The following SMCO2 variants were observed in gnomAD, a reference collection of about 807,000 sequenced individuals.
SMCO2 encodes single-pass membrane protein with coiled-coil domains 2.
Under a neutral mutation model 29.5 loss-of-function variants are expected in SMCO2, and 25 were observed. The ratio of observed to expected loss-of-function variants is 0.85; its 90% CI spans 0.62 to 1.18. SMCO2 has a LOEUF of 1.18. SMCO2 is among the 50% of genes most tolerant of loss of function. SMCO2 has a pLI of 0.00. For synonymous variants in SMCO2, 117 were observed against 123.3 expected (o/e 0.95, Z 0.34); for missense variants, 348 against 344.5 (o/e 1.01, Z -0.08).
intron 1 of SMCO2, among the ~76,000 whole-genome samples, chr12:27,467,748 A>G (rs1470968484): frequency 6.6e-6 from 1 of 152,150 alleles, no homozygotes; most frequent in Non-Finnish European, 1.5e-5. Context: ...TTCTAGCAAT[A>G]AAACTTTGGA....
At chr12:27,488,587 T>C (rs1321424986) in intron 5 of SMCO2, 40 bp downstream of exon 6, 2 of 1,420,294 alleles carry the variant, frequency 1.4e-6, no homozygotes, top group Non-Finnish European at 1.9e-6. Context: ...GGTTGGGGAT[T>C]TCTGTCACTT....
chr12:27,442,827 G>T, the SMCO2 span, among the ~76,000 whole-genome samples: 1 of 152,096 alleles, frequency 6.6e-6, no homozygotes. Context: ...TCACTATGTT[G>T]CCCAGGATGA....
chr12:27,488,606 A>G lies in SMCO2; in HGVS notation c.450+59A>G, dbSNP rs1454752179. The G allele has an allele frequency of 4.7e-6, 6 of 1,280,744 alleles. No homozygotes were observed. The East Asian group carries it at 1.1e-4, about 23-fold the overall frequency. 79.3% of individuals were successfully genotyped at this position (1,280,744 alleles called of 1,614,324 possible). A position where few individuals can be genotyped will look rare whatever the true frequency, so the allele number is the denominator to read the frequency against. On this transcript the variant is annotated intron_variant, in intron 5 of 7. Transcript: ENST00000298876. ...GGGGATTTCTGTCACTTCTTTCCCT[A>G]CTACCTTTCTATTGTTAATAGGCAA...
chr12:27,471,266 A>AATATATATATATTAAGATATAT (rs1949538786), intron 2 of SMCO2, among the ~76,000 whole-genome samples: 1 of 152,196 alleles, frequency 6.6e-6, no homozygotes, highest in South Asian at 2.1e-4. Flanking sequence ...AGATGTTCTT[A>AATATATATATATTAAGATATAT]AATGCATTTA....
chr12:27,445,060 G>A, the SMCO2 span, among the ~76,000 whole-genome samples: 1 of 152,108 alleles, frequency 6.6e-6, no homozygotes, highest in African/African-American at 2.4e-5. Flanking sequence ...AGAAATGGAG[G>A]CCATTATGCT....
chr12:27,435,287 C>T, the SMCO2 span, among the ~76,000 whole-genome samples: 2 of 14,084 alleles, frequency 1.4e-4, no homozygotes, highest in Non-Finnish European at 5.6e-4. Flanking sequence ...GCAGAACCCC[C>T]CCCCCCCCCC....
chr12:27,501,434 AAAAC>A lies in SMCO2; in HGVS notation c.684-477_684-474del, dbSNP rs1232126417. On this transcript the variant is annotated intron_variant, in intron 7 of 7. Coordinates refer to ENST00000298876, the Ensembl canonical transcript of SMCO2. ...CCGTCTCAAAAAAAAAAAAAAAAAAAAAACAAACAAACAAAACAAAACAAAAAAA... is the reference window on the plus strand; with the variant it reads ...CCGTCTCAAAAAAAAAAAAAAAAAAAAAACAAACAAAACAAAACAAAAAAA... Among the ~76,000 whole-genome samples the A allele has an allele frequency of 2.7e-3, 354 of 133,022 alleles. 3 individuals are homozygous for A. Among genetic ancestry groups the A allele is most frequent in the African/African-American group, 5.4e-3 (172 of 32,066 alleles). The allele number at this position is 133,022 out of a possible 152,430, so 87.3% of individuals were successfully genotyped here.
At chr12:27,449,454 A>G in the SMCO2 span, among the ~76,000 whole-genome samples, 2 of 152,262 alleles carry the variant, frequency 1.3e-5, no homozygotes, top group Admixed American at 1.3e-4. Flanking sequence ...ATTAAAATTA[A>G]TTGTGAGAAA....
chr12:27,432,928 A>G, the SMCO2 span, among the ~76,000 whole-genome samples: 1 of 152,088 alleles, frequency 6.6e-6, no homozygotes, highest in African/African-American at 2.4e-5. Context: ...CCACAGAACC[A>G]TTTTTGTTAT....
At chr12:27,441,240 C>T in the SMCO2 span, among the ~76,000 whole-genome samples, 1 of 152,140 alleles carries the variant, frequency 6.6e-6, no homozygotes, top group African/African-American at 2.4e-5. Flanking sequence ...GCCTGGGCAA[C>T]AGAGTAAGAC....
chr12:27,451,411 C>G, the SMCO2 span, among the ~76,000 whole-genome samples: 397 of 152,260 alleles, frequency 2.6e-3, 1 homozygote, highest in Non-Finnish European at 4.6e-3. Flanking sequence ...CAACCTCCCC[C>G]CTGCTGGTCC....
exon 6 of SMCO2, chr12:27,494,314 T>G (rs1387476938): frequency 2.6e-6 from 4 of 1,521,692 alleles, no homozygotes; most frequent in South Asian, 2.5e-5. Context: ...ATACTTGTAA[T>G]GAAGTTTATG....
the SMCO2 span, among the ~76,000 whole-genome samples, chr12:27,451,837 T>C: frequency 3.3e-5 from 5 of 152,342 alleles, no homozygotes; most frequent in Admixed American, 2.6e-4. Context: ...CCTGGTTCCA[T>C]GGCTTCTCCT....
chr12:27,485,242 C>T (rs1306716355), intron 4 of SMCO2, among the ~76,000 whole-genome samples: 2 of 151,796 alleles, frequency 1.3e-5, no homozygotes, highest in Non-Finnish European at 2.9e-5. Context: ...TAATCCCCTC[C>T]AGTGTATTTT....
At chr12:27,501,244 G>A (rs1943071441) in intron 7 of SMCO2, among the ~76,000 whole-genome samples, 1 of 147,654 alleles carries the variant, frequency 6.8e-6, no homozygotes, top group Non-Finnish European at 1.5e-5. Context: ...GTGAAACCCC[G>A]TCTCTACTAA....
intron 1 of SMCO2, 75 bp from the exon 2 acceptor site, chr12:27,470,547 T>C: frequency 1.4e-6 from 2 of 1,477,714 alleles, no homozygotes; most frequent in Non-Finnish European, 1.8e-6. Context: ...AAGAAGTTAG[T>C]CTGGTGTCAA....
intron 4 of SMCO2, among the ~76,000 whole-genome samples, chr12:27,482,992 G>T (rs55683164): frequency 6.6e-6 from 1 of 152,182 alleles, no homozygotes; most frequent in Non-Finnish European, 1.5e-5. Context: ...CTCCCAAAGC[G>T]CTGGGATTAC....
intron 3 of SMCO2, among the ~76,000 whole-genome samples, 182 bp from the exon 4 acceptor site, chr12:27,474,604 T>C (rs375805): frequency 0.21 from 32,599 of 152,116 alleles, 6,275 homozygotes; most frequent in African/African-American, 0.5. Flanking sequence ...CTGCCTCAGC[T>C]TTCCTCTGTA....
chr12:27,483,170 T>A (rs1281567110), intron 4 of SMCO2, among the ~76,000 whole-genome samples: 1 of 152,072 alleles, frequency 6.6e-6, no homozygotes, highest in African/African-American at 2.4e-5. Context: ...TCAGGTCAGG[T>A]TGGTTGATAG....
Sources: gnomAD v4.1 joint callset for allele counts (sites outside exome capture counted in the v4.1 genomes callset) on GRCh38, gnomAD v4.1.1 for gene constraint, MANE v1.5 for transcripts, NCBI Gene and HGNC (gene_info 2026-07-23, HGNC 2026-07-21) for gene names.